The following NLRP4 variants were observed in gnomAD, a reference collection of about 807,000 sequenced individuals.
NLRP4 encodes the protein NLR family pyrin domain containing 4.
NLRP4 carries 44 observed loss-of-function variants against 84.7 expected under a neutral mutation model. The ratio of observed to expected loss-of-function variants is 0.52; its 90% CI spans 0.41 to 0.67. NLRP4 has a LOEUF of 0.67. NLRP4 is among the 30% of genes least tolerant of loss of function. The probability of loss-of-function intolerance (pLI) is 0.00; values close to 1 mark genes in which losing one functional copy is unlikely to be tolerated. For synonymous variants in NLRP4, 544 were observed against 476.4 expected, an observed-to-expected ratio of 1.14 and a Z score of -1.85; for missense variants, 1,260 against 1,219.4, an observed-to-expected ratio of 1.03 and a Z score of -0.50.
chr19:55,880,715 TG>T (rs1294194689), intron 9 of NLRP4, among the ~76,000 whole-genome samples: 1 of 152,130 alleles, frequency 6.6e-6, no homozygotes, highest in East Asian at 1.9e-4. Context: ...CAAGACACGG[TG>T]ATACTTAATC....
intron 5 of NLRP4, 24 bp from the exon 6 acceptor site, chr19:55,867,685 T>A: frequency 6.2e-7 from 1 of 1,604,844 alleles, no homozygotes; most frequent in South Asian, 1.1e-5. Flanking sequence ...ACCAACAGAA[T>A]GTGACATTTT....
intron 1 of NLRP4, among the ~76,000 whole-genome samples, chr19:55,840,344 A>ATG (rs762148583): frequency 0.12 from 14,567 of 119,462 alleles, 671 homozygotes; most frequent in East Asian, 0.18. Flanking sequence ...GTGTATGTGT[A>ATG]TGTGTGTGTG....
At chr19:55,848,956 T>C (rs1327619994) in intron 1 of NLRP4, among the ~76,000 whole-genome samples, 2 of 151,920 alleles carry the variant, frequency 1.3e-5, no homozygotes, top group Non-Finnish European at 2.9e-5. Context: ...TCTGCCGCCA[T>C]GTAAGATGTG....
intron 2 of NLRP4, chr19:55,857,349 G>A: frequency 2.5e-6 from 1 of 402,646 alleles, no homozygotes; most frequent in Non-Finnish European, 4.4e-6. Flanking sequence ...GTGTGTGTGT[G>A]TGTGTGTGTC....
rs1220724905 is a variant in NLRP4, at chr19:55,836,809, G to A, written c.-191G>A. On this transcript the variant is annotated 5_prime_UTR_variant, in exon 1 of 10. Transcript: ENST00000301295. ...AGACCTGTGAGAAGAATGGGGGGTGGAGGTGGGGGAGACTCGTCACGAAGG... is the reference window on the plus strand; with the variant it reads ...AGACCTGTGAGAAGAATGGGGGGTGAAGGTGGGGGAGACTCGTCACGAAGG... 1 of 152,036 alleles carries A rather than the reference G, an allele frequency of 6.6e-6. No homozygotes were observed. Among genetic ancestry groups the A allele is most frequent in the Non-Finnish European group, 1.5e-5 (1 of 68,044 alleles). The allele number at this position is 152,036 out of a possible 1,614,324, so 9.4% of individuals were successfully genotyped here. A position where few individuals can be genotyped will look rare whatever the true frequency, so the allele number is the denominator to read the frequency against.
rs1296617266 is a variant in NLRP4 at position 55,865,675 on chromosome 19, G to T, written c.2187-2034G>T. On this transcript the variant is annotated intron_variant, in intron 5 of 9. Transcript: ENST00000301295. ...ATAGCCATTCTGACCTGTGTGAGAT[G>T]GTATCTCATTGCAGTTTTGATATGC... Among the ~76,000 whole-genome samples, 9 of 152,146 alleles carry T rather than the reference G, an allele frequency of 5.9e-5. No homozygotes were observed. The East Asian group carries it at 1.7e-3, about 29-fold the overall frequency.
At chr19:55,860,086 C>T (rs958829625) in intron 3 of NLRP4, among the ~76,000 whole-genome samples, 5 of 150,796 alleles carry the variant, frequency 3.3e-5, no homozygotes, top group Admixed American at 6.6e-5. Context: ...CCCAGGTTCA[C>T]GCCATTCTCC....
chr19:55,847,995 G>A (rs748191299), intron 1 of NLRP4, among the ~76,000 whole-genome samples: 5 of 152,080 alleles, frequency 3.3e-5, no homozygotes, highest in Non-Finnish European at 7.4e-5. Context: ...GATGACAGGC[G>A]TGAGCCACTG....
At chr19:55,872,128 A>G (rs1985209939) in intron 7 of NLRP4, among the ~76,000 whole-genome samples, 1 of 152,152 alleles carries the variant, frequency 6.6e-6, no homozygotes, top group Admixed American at 6.5e-5. Flanking sequence ...GATTACAGGC[A>G]TGAGCCACCG....
At chr19:55,870,676 G>T in intron 6 of NLRP4, 151 bp from the exon 7 acceptor site, 1 of 589,104 alleles carries the variant, frequency 1.7e-6, no homozygotes, top group Non-Finnish European at 3.0e-6. Context: ...AAGAATAAAT[G>T]AGAGGAGGTG....
intron 3 of NLRP4, among the ~76,000 whole-genome samples, 193 bp from the exon 4 acceptor site, chr19:55,861,192 TG>T (rs1459678333): frequency 2.0e-5 from 3 of 152,088 alleles, no homozygotes; most frequent in Non-Finnish European, 4.4e-5. Context: ...AAATGTCCCC[TG>T]GGGGGAAACG....
chr19:55,840,906 G>A (rs1243779730), intron 1 of NLRP4, among the ~76,000 whole-genome samples: 2 of 152,024 alleles, frequency 1.3e-5, no homozygotes, highest in Non-Finnish European at 2.9e-5. Flanking sequence ...TCTAATTCAA[G>A]TCGTGCAATA....
intron 6 of NLRP4, among the ~76,000 whole-genome samples, chr19:55,870,456 A>T (rs1307595784): frequency 6.6e-6 from 1 of 152,220 alleles, no homozygotes; most frequent in Non-Finnish European, 1.5e-5. Flanking sequence ...TGAGGTCCGG[A>T]GTTCGAGACT....
chr19:55,871,655 C>G (rs1167762699), intron 7 of NLRP4, among the ~76,000 whole-genome samples: 1 of 152,150 alleles, frequency 6.6e-6, no homozygotes, highest in Non-Finnish European at 1.5e-5. Flanking sequence ...ATTAGGAAAT[C>G]AGTTTAGGAT....
At chr19:55,850,188 T>A (rs886228017) in intron 1 of NLRP4, among the ~76,000 whole-genome samples, 19 of 143,886 alleles carry the variant, frequency 1.3e-4, no homozygotes, top group African/African-American at 2.8e-4. Context: ...CGGTGTAATT[T>A]CCGTGGCTGC....
chr19:55,843,265 T>C (rs1439509429), intron 1 of NLRP4, among the ~76,000 whole-genome samples: 1 of 152,238 alleles, frequency 6.6e-6, no homozygotes, highest in Non-Finnish European at 1.5e-5. Context: ...TTTTCCCTTT[T>C]GTGTAACTTC....
intron 6 of NLRP4, among the ~76,000 whole-genome samples, chr19:55,869,749 C>T (rs752149932): frequency 1.3e-5 from 2 of 151,106 alleles, no homozygotes; most frequent in African/African-American, 4.9e-5. Context: ...TTTTTCTCTA[C>T]TCCACACTTT....
intron 1 of NLRP4, among the ~76,000 whole-genome samples, chr19:55,843,196 C>T (rs980629746): frequency 6.6e-5 from 10 of 152,148 alleles, no homozygotes; most frequent in Non-Finnish European, 1.5e-4. Context: ...ATGGCACAAC[C>T]GTTCAAATAA....
At chr19:55,859,376 G>A (rs975729421) in intron 3 of NLRP4, 127 bp downstream of exon 3, 3 of 735,696 alleles carry the variant, frequency 4.1e-6, no homozygotes, top group Non-Finnish European at 6.5e-6. Context: ...CAAAACCTCA[G>A]CTCACATCCT....
Sources: allele counts gnomAD v4.1 joint callset (sites outside exome capture counted in the v4.1 genomes callset), GRCh38; gene constraint gnomAD v4.1.1; transcripts MANE v1.5; gene names NCBI Gene and HGNC (gene_info 2026-07-23, HGNC 2026-07-21).